SLIT2: variants seen among roughly 807,000 people sequenced by gnomAD.
SLIT2 encodes the protein slit homolog 2 protein.
Under a neutral mutation model 185.7 loss-of-function variants are expected in SLIT2, and 41 were observed. The observed-to-expected ratio is 0.22, with a 90% CI of 0.17 to 0.29. The LOEUF is 0.29. Among genes scored for constraint, SLIT2 ranks in the 10% least tolerant of loss-of-function variants. The pLI is 1.00. For missense variants in SLIT2, 1,571 were observed against 1,909.0 expected, an observed-to-expected ratio of 0.82 and a Z score of 3.30; for synonymous variants, 693 against 680.2, an observed-to-expected ratio of 1.02 and a Z score of -0.29.
intron 4 of SLIT2, among the ~76,000 whole-genome samples, chr4:20,370,637 C>G (rs1404661751): frequency 6.6e-6 from 1 of 152,086 alleles, no homozygotes; most frequent in Non-Finnish European, 1.5e-5. Flanking sequence ...GATTCCTTAT[C>G]TTTCTCCTCA....
chr4:20,593,718 A>T (rs1031796467), intron 30 of SLIT2, among the ~76,000 whole-genome samples: 3 of 152,128 alleles, frequency 2.0e-5, no homozygotes, highest in African/African-American at 7.2e-5. Context: ...ATGTATGTAT[A>T]AAACATTACC....
At chr4:20,492,190 T>C (rs887042112) in intron 9 of SLIT2, among the ~76,000 whole-genome samples, 10 of 152,210 alleles carry the variant, frequency 6.6e-5, no homozygotes, top group African/African-American at 2.4e-4. Flanking sequence ...TGTACATCTG[T>C]GGTTGTCCAT....
chr4:20,583,371 G>A (rs1726759793), intron 29 of SLIT2, among the ~76,000 whole-genome samples: 1 of 152,294 alleles, frequency 6.6e-6, no homozygotes, highest in East Asian at 1.9e-4. Flanking sequence ...AAGTATCAGG[G>A]AAGAGCTTTG....
chr4:20,264,471 CTG>C (rs1577339901), intron 3 of SLIT2, among the ~76,000 whole-genome samples: 1 of 151,808 alleles, frequency 6.6e-6, no homozygotes. Context: ...TTTGGTAAAA[CTG>C]TTTTCATATT....
chr4:20,267,515 C>G (rs1031814831), intron 3 of SLIT2, among the ~76,000 whole-genome samples: 2 of 151,794 alleles, frequency 1.3e-5, no homozygotes, highest in Admixed American at 6.6e-5. Context: ...TTTACCTGGT[C>G]TCGCTTCTCA....
At chr4:20,349,850 T>C (rs1256216745) in intron 4 of SLIT2, among the ~76,000 whole-genome samples, 1 of 152,192 alleles carries the variant, frequency 6.6e-6, no homozygotes, top group Non-Finnish European at 1.5e-5. Context: ...TATAGTGCTC[T>C]AGGCATGCAC....
chr4:20,332,127 C>T (rs547702705), intron 4 of SLIT2, among the ~76,000 whole-genome samples: 1 of 152,210 alleles, frequency 6.6e-6, no homozygotes, highest in South Asian at 2.1e-4. Flanking sequence ...TTCCAATTCT[C>T]TTGTGTATAT....
At chr4:20,271,269 G>GA (rs146445431) in intron 4 of SLIT2, among the ~76,000 whole-genome samples, 1,629 of 150,864 alleles carry the variant, frequency 0.011, 62 homozygotes, top group Admixed American at 0.065. Flanking sequence ...AAATAATGGG[G>GA]AAAAATGATA....
chr4:20,536,810 C>T (rs1174603216), intron 18 of SLIT2, among the ~76,000 whole-genome samples: 1 of 151,458 alleles, frequency 6.6e-6, no homozygotes, highest in East Asian at 1.9e-4. Flanking sequence ...TTCTATTATT[C>T]TTTTCTTTAT....
At chr4:20,302,561 A>G (rs561881548) in intron 4 of SLIT2, among the ~76,000 whole-genome samples, 8 of 152,248 alleles carry the variant, frequency 5.3e-5, no homozygotes, top group Admixed American at 5.2e-4. Context: ...TAGAGCATTC[A>G]CTTTGAGATA....
At chr4:20,413,312 TTTCA>T (rs1727399760) in intron 4 of SLIT2, among the ~76,000 whole-genome samples, 1 of 152,092 alleles carries the variant, frequency 6.6e-6, no homozygotes, top group South Asian at 2.1e-4. Context: ...TCTAATTTTA[TTTCA>T]TTGTGTTAAA....
intron 4 of SLIT2, among the ~76,000 whole-genome samples, chr4:20,271,533 T>C (rs1455290975): frequency 6.8e-6 from 1 of 148,110 alleles, no homozygotes; most frequent in East Asian, 2.0e-4. Context: ...CCCTACTGTC[T>C]AATGCAGTAG....
chr4:20,449,702 C>T (rs991569639), intron 4 of SLIT2, among the ~76,000 whole-genome samples: 2 of 151,974 alleles, frequency 1.3e-5, no homozygotes, highest in East Asian at 1.9e-4. Context: ...CCACCGCACC[C>T]GGCCAAAAAA....
intron 29 of SLIT2, among the ~76,000 whole-genome samples, chr4:20,586,005 T>C (rs901241336): frequency 8.5e-5 from 13 of 152,192 alleles, no homozygotes; most frequent in African/African-American, 2.7e-4. Flanking sequence ...GGAAAACCAG[T>C]GCAGCTTTTA....
intron 4 of SLIT2, among the ~76,000 whole-genome samples, chr4:20,324,570 C>A (rs536842538): frequency 6.6e-6 from 1 of 152,168 alleles, no homozygotes; most frequent in South Asian, 2.1e-4. Flanking sequence ...TGTTGTACAG[C>A]GTGATGACTA....
At chr4:20,436,124 G>A (rs1025011672) in intron 4 of SLIT2, among the ~76,000 whole-genome samples, 1 of 152,168 alleles carries the variant, frequency 6.6e-6, no homozygotes, top group Non-Finnish European at 1.5e-5. Context: ...AAAGACAAAA[G>A]TCCAGATGTT....
chr4:20,258,293 G>A (rs949784725), intron 3 of SLIT2, among the ~76,000 whole-genome samples: 1 of 151,656 alleles, frequency 6.6e-6, no homozygotes, highest in Non-Finnish European at 1.5e-5. Flanking sequence ...GGTGCATTAG[G>A]GAAGAGAGAA....
chr4:20,487,221 G>C (rs1717327460), intron 7 of SLIT2, among the ~76,000 whole-genome samples: 1 of 151,556 alleles, frequency 6.6e-6, no homozygotes, highest in African/African-American at 2.4e-5. Context: ...TAATTTCCTT[G>C]GAATATTATT....
intron 11 of SLIT2, among the ~76,000 whole-genome samples, chr4:20,513,162 C>T (rs571573659): frequency 1.5e-3 from 223 of 152,204 alleles, no homozygotes; most frequent in Middle Eastern, 6.8e-3. Context: ...TTTAGAAGGC[C>T]GTAGAAAAGC....
Sources: allele counts gnomAD v4.1 joint callset (sites outside exome capture counted in the v4.1 genomes callset), GRCh38; gene constraint gnomAD v4.1.1; transcripts MANE v1.5; gene names NCBI Gene and HGNC (gene_info 2026-07-23, HGNC 2026-07-21).